The following CNTN5 variants were observed in gnomAD, a reference collection of about 807,000 sequenced individuals.
CNTN5 encodes the protein contactin 5, also known as contactin-5.
In CNTN5, 77 loss-of-function variants were observed where a neutral mutation model predicts 129.1. The observed-to-expected ratio is 0.60, with a 90% CI of 0.50 to 0.72. The LOEUF (loss-of-function observed/expected upper bound fraction) is 0.72, where lower values mean the gene tolerates loss of function less well. Ranked by LOEUF, CNTN5 falls within the 30% of genes least tolerant of loss-of-function variation. CNTN5 has a pLI of 0.00. For missense variants in CNTN5, 1,478 were observed against 1,328.8 expected (o/e 1.11, Z -1.75); for synonymous variants, 509 against 465.6 (o/e 1.09, Z -1.20).
chr11:99,823,093 A>G (rs535740126), intron 4 of CNTN5, among the ~76,000 whole-genome samples: 2 of 152,288 alleles, frequency 1.3e-5, no homozygotes, highest in East Asian at 3.9e-4. Context: ...ATCCGTACCT[A>G]TTCGAACATT....
rs187395394 is a variant in CNTN5, at chr11:100,193,461, T to A, written c.1709-27T>A. On this transcript the variant is annotated intron_variant, in intron 14 of 24. Transcript: ENST00000524871. Reference sequence around the variant, plus strand: ...ATGGTAACACAACAGGTTGATTATCTTAATTAACGTATTTTTATTTCTATA... The same window carrying A: ...ATGGTAACACAACAGGTTGATTATCATAATTAACGTATTTTTATTTCTATA... The A allele has an allele frequency of 9.5e-5, 130 of 1,367,360 alleles. 1 individual carries two copies. The East Asian group carries it at 2.1e-3, about 22-fold the overall frequency. 84.7% of individuals were successfully genotyped at this position (1,367,360 alleles called of 1,614,324 possible).
At chr11:100,081,490 C>T (rs553015390) in intron 13 of CNTN5, among the ~76,000 whole-genome samples, 1 of 152,252 alleles carries the variant, frequency 6.6e-6, no homozygotes, top group South Asian at 2.1e-4. Flanking sequence ...AACCTCCCTC[C>T]CACCTGCAAG....
At chr11:100,164,974 C>T (rs932286102) in intron 13 of CNTN5, among the ~76,000 whole-genome samples, 1 of 151,588 alleles carries the variant, frequency 6.6e-6, no homozygotes, top group Non-Finnish European at 1.5e-5. Context: ...ATATTTTTTA[C>T]TTATTTTTTA....
chr11:99,627,435 A>C (rs979436915), intron 3 of CNTN5, among the ~76,000 whole-genome samples: 1 of 143,986 alleles, frequency 6.9e-6, no homozygotes, highest in Admixed American at 7.6e-5. Flanking sequence ...AATGTTACGA[A>C]ATGGAAAAAT....
At chr11:99,772,643 T>G (rs1944985092) in intron 3 of CNTN5, among the ~76,000 whole-genome samples, 1 of 152,120 alleles carries the variant, frequency 6.6e-6, no homozygotes, top group Admixed American at 6.6e-5. Flanking sequence ...GGTGAACTTG[T>G]TTTGCTAAAT....
intron 9 of CNTN5, among the ~76,000 whole-genome samples, chr11:100,026,705 T>C (rs1279814871): frequency 1.3e-5 from 2 of 152,196 alleles, no homozygotes; most frequent in Non-Finnish European, 2.9e-5. Context: ...TTTAAGGTTT[T>C]TGGCCCATTT....
intron 2 of CNTN5, among the ~76,000 whole-genome samples, chr11:99,511,297 C>T (rs886240827): frequency 2.8e-4 from 43 of 152,106 alleles, no homozygotes; most frequent in African/African-American, 8.7e-4. Context: ...CATTTCGTTA[C>T]GTACCCAGTA....
intron 3 of CNTN5, among the ~76,000 whole-genome samples, chr11:99,818,255 A>T (rs921592610): frequency 2.1e-5 from 3 of 140,534 alleles, no homozygotes; most frequent in African/African-American, 7.6e-5. Flanking sequence ...ACTCTGAACA[A>T]AACTACCTTT....
chr11:100,315,435 G>A (rs1014071472), intron 21 of CNTN5, among the ~76,000 whole-genome samples: 7 of 152,220 alleles, frequency 4.6e-5, no homozygotes. Context: ...AAGATGCTAA[G>A]AATAGTTTTG....
chr11:99,141,918 T>C (rs1409967805), intron 1 of CNTN5, among the ~76,000 whole-genome samples: 1 of 152,186 alleles, frequency 6.6e-6, no homozygotes, highest in Non-Finnish European at 1.5e-5. Context: ...GTGGCCAATT[T>C]TAGAGTATTT....
chr11:100,178,204 A>G (rs931849908), intron 13 of CNTN5, among the ~76,000 whole-genome samples: 3 of 152,132 alleles, frequency 2.0e-5, no homozygotes, highest in Admixed American at 2.0e-4. Flanking sequence ...AGCTGCCATC[A>G]TGCCTCTCCA....
intron 3 of CNTN5, among the ~76,000 whole-genome samples, chr11:99,741,986 C>A (rs551926181): frequency 1.4e-4 from 21 of 152,082 alleles, no homozygotes; most frequent in African/African-American, 4.8e-4. Flanking sequence ...TTTCATGATT[C>A]ACAAGTGAGG....
rs1946724403 is a variant in CNTN5 at position 99,819,614 on chromosome 11, T to C, written c.126T>C (p.Ser42=). The C allele has an allele frequency of 1.2e-6, 2 of 1,613,050 alleles. No individual in the cohort carries two copies. The highest frequency in any genetic ancestry group is 1.1e-5 in the South Asian group (1 of 91,088). Residue 42 remains serine, a synonymous_variant, in exon 4 of 25, where the codon TCT becomes TCC. Transcript: ENST00000524871. ...TGTTAAGAATTAAGAAGAGTTCATCTTCATCTCTCTTTGGTTCCAAAACCA... is the reference window on the plus strand; with the variant it reads ...TGTTAAGAATTAAGAAGAGTTCATCCTCATCTCTCTTTGGTTCCAAAACCA... The part of the protein sequence containing the change: ...AALLRIKKSS[S]SSLFGSKTRP...
At chr11:99,879,558 T>C (rs1283951032) in intron 6 of CNTN5, among the ~76,000 whole-genome samples, 1 of 152,200 alleles carries the variant, frequency 6.6e-6, no homozygotes, top group South Asian at 2.1e-4. Flanking sequence ...TACTTCTGTC[T>C]ACATCATACC....
intron 1 of CNTN5, among the ~76,000 whole-genome samples, chr11:99,057,558 A>G (rs1864671810): frequency 1.3e-5 from 2 of 152,094 alleles, no homozygotes; most frequent in East Asian, 1.9e-4. Context: ...ACATAAATCA[A>G]TTATGTCTTT....
chr11:99,800,094 T>G (rs1946067564), intron 3 of CNTN5, among the ~76,000 whole-genome samples: 1 of 152,120 alleles, frequency 6.6e-6, no homozygotes, highest in Admixed American at 6.5e-5. Flanking sequence ...TTATGATAGA[T>G]ATTTAGTGTA....
intron 2 of CNTN5, among the ~76,000 whole-genome samples, chr11:99,347,191 T>C (rs1208958864): frequency 6.6e-6 from 1 of 152,188 alleles, no homozygotes; most frequent in African/African-American, 2.4e-5. Flanking sequence ...ATCCTGGTTA[T>C]TCTCTAGGCC....
intron 1 of CNTN5, among the ~76,000 whole-genome samples, chr11:99,169,628 C>T (rs1861053071): frequency 6.6e-6 from 1 of 151,906 alleles, no homozygotes; most frequent in African/African-American, 2.4e-5. Context: ...TGCATCGGCT[C>T]CTTAATAGAA....
chr11:99,873,175 A>G (rs1225894367), intron 6 of CNTN5, among the ~76,000 whole-genome samples: 1 of 152,024 alleles, frequency 6.6e-6, no homozygotes, highest in Admixed American at 6.6e-5. Flanking sequence ...CACTAACCAT[A>G]CATAACCATG....
Sources: gnomAD v4.1 joint callset for allele counts (sites outside exome capture counted in the v4.1 genomes callset) on GRCh38, gnomAD v4.1.1 for gene constraint, MANE v1.5 for transcripts, NCBI Gene and HGNC (gene_info 2026-07-23, HGNC 2026-07-21) for gene names.